NEO1: variants seen among roughly 807,000 people sequenced by gnomAD.
NEO1 encodes neogenin.
NEO1 carries 63 observed loss-of-function variants against 159.7 expected under a neutral mutation model. The observed-to-expected ratio is 0.39, with a 90% CI of 0.32 to 0.49. The LOEUF is 0.49. NEO1 is among the 20% of genes least tolerant of loss of function. The pLI is 0.85. For missense variants in NEO1, 1,615 were observed against 1,831.0 expected (o/e 0.88, Z 2.15); for synonymous variants, 633 against 662.0 (o/e 0.96, Z 0.67).
chr15:73,233,220 A>G (rs1324770035), intron 7 of NEO1, among the ~76,000 whole-genome samples: 1 of 152,166 alleles, frequency 6.6e-6, no homozygotes, highest in Non-Finnish European at 1.5e-5. Flanking sequence ...ACCTGGGGAA[A>G]GCTGATAGAG....
chr15:73,127,797 A>G (rs936200833), intron 4 of NEO1, among the ~76,000 whole-genome samples: 13 of 152,230 alleles, frequency 8.5e-5, no homozygotes, highest in Non-Finnish European at 1.2e-4. Flanking sequence ...AGTGGGAAAC[A>G]TTTTAACACA....
intron 4 of NEO1, among the ~76,000 whole-genome samples, chr15:73,130,697 C>T (rs1055748501): frequency 1.3e-5 from 2 of 152,166 alleles, no homozygotes; most frequent in African/African-American, 4.8e-5. Context: ...TAATGAGGCC[C>T]CTCCCATGTA....
intron 5 of NEO1, among the ~76,000 whole-genome samples, chr15:73,168,263 C>T (rs994093948): frequency 6.6e-6 from 1 of 151,778 alleles, no homozygotes; most frequent in Non-Finnish European, 1.5e-5. Flanking sequence ...AGTCTCGGCT[C>T]ACTGCAACCT....
In NEO1 at chr15:73,122,579, A is replaced by G. The variant is rs142340038; in HGVS notation, c.503A>G (p.Asn168Ser). Residue 168 changes from asparagine to serine, a missense_variant, in exon 3 of 29, where the codon AAT becomes AGT. Asn to Ser is a conservative substitution (Grantham distance 46, BLOSUM62 1). Coordinates refer to ENST00000261908, the MANE Select transcript of NEO1 (RefSeq NM_002499.4). ...PEPSSVYAGNNAILNCEVNAD... is the reference protein window; with the variant it reads ...PEPSSVYAGNSAILNCEVNAD... ...CCTTCCTCAGTTTATGCTGGGAACA[A>G]TGCAATTCTGAATTGTGAAGTTAAT... The G allele has an allele frequency of 2.5e-4, 409 of 1,614,064 alleles. 3 individuals carry two copies. The highest frequency in any genetic ancestry group is 6.1e-4 in the South Asian group (56 of 91,080).
rs764573907 is a variant in NEO1 at position 73,282,998 on chromosome 15, T to C, written c.3297T>C (p.Pro1099=). ...GCCCTCATGGGAGCCCCACCTCTCC[T>C]CTGGACAGTAATATGCTGCTGGTCA... The part of the protein sequence containing the change: ...SNSPHGSPTS[P]LDSNMLLVII... The change falls in exon 23 of 29, where the codon CCT becomes CCC. Residue 1099 remains proline, a synonymous_variant. Coordinates refer to ENST00000261908, the MANE Select transcript of NEO1 (RefSeq NM_002499.4). 5 of 1,614,196 alleles carry C rather than the reference T, an allele frequency of 3.1e-6. 1 individual carries two copies. In the Admixed American group the frequency reaches 8.3e-5, roughly 27 times the overall value.
intron 7 of NEO1, among the ~76,000 whole-genome samples, chr15:73,183,660 C>T (rs1222459711): frequency 6.6e-6 from 1 of 152,082 alleles, no homozygotes; most frequent in African/African-American, 2.4e-5. Context: ...CTAGCTGCCT[C>T]AACCATGAAC....
chr15:73,062,994 A>G (rs1298152061), intron 1 of NEO1, among the ~76,000 whole-genome samples: 1 of 152,350 alleles, frequency 6.6e-6, no homozygotes, highest in East Asian at 1.9e-4. Context: ...TTAGGCATAC[A>G]TCTATATAGA....
intron 25 of NEO1, 120 bp from the exon 26 acceptor site, chr15:73,293,270 A>T (rs928327003): frequency 4.5e-5 from 56 of 1,245,574 alleles, no homozygotes; most frequent in Middle Eastern, 2.0e-4. Flanking sequence ...CCACCAAAAA[A>T]CCAAGGGAGT....
At chr15:73,270,819 C>G (rs952072646) in intron 18 of NEO1, among the ~76,000 whole-genome samples, 2 of 152,200 alleles carry the variant, frequency 1.3e-5, no homozygotes, top group Non-Finnish European at 2.9e-5. Context: ...CCAAAGCTGC[C>G]TCTGCAGTTT....
chr15:73,289,305 A>T lies in NEO1; in HGVS notation c.3742+67A>T, dbSNP rs1030218119. On this transcript the variant is annotated intron_variant, in intron 25 of 28. Transcript: ENST00000261908. The stretch of plus-strand genomic sequence containing the variant: ...TCAGTCATGTAGGGGAACAACTATG[A>T]ATGATCTTTTTGACTTCACTTGATT... The T allele has an allele frequency of 5.0e-5, 67 of 1,344,148 alleles. No individual in the cohort carries two copies. In the Middle Eastern group the frequency reaches 9.0e-4, roughly 18 times the overall value. 83.3% of individuals were successfully genotyped at this position (1,344,148 alleles called of 1,614,324 possible). A position where few individuals can be genotyped will look rare whatever the true frequency, so the allele number is the denominator to read the frequency against.
chr15:73,224,459 G>T (rs967176569), intron 7 of NEO1, among the ~76,000 whole-genome samples: 5 of 152,042 alleles, frequency 3.3e-5, no homozygotes, highest in African/African-American at 1.2e-4. Flanking sequence ...TCTTAGGTTT[G>T]GTTGTTTAAC....
At chr15:73,111,540 G>T (rs944968148) in intron 1 of NEO1, among the ~76,000 whole-genome samples, 9 of 152,060 alleles carry the variant, frequency 5.9e-5, no homozygotes, top group Non-Finnish European at 1.2e-4. Flanking sequence ...TTTTTCTTTA[G>T]CTATTTACAC....
intron 1 of NEO1, among the ~76,000 whole-genome samples, chr15:73,072,772 G>C (rs1225047732): frequency 6.6e-6 from 1 of 152,118 alleles, no homozygotes; most frequent in East Asian, 1.9e-4. Flanking sequence ...TAGTAGCCTA[G>C]GTAGTTTACA....
Position 73,304,478 on chromosome 15 carries a change from A to G in NEO1, c.*1782A>G, listed in dbSNP as rs956956448. The G allele has an allele frequency of 6.6e-6, 1 of 152,180 alleles. No homozygotes were observed. The highest frequency in any genetic ancestry group is 1.5e-5 in the Non-Finnish European group (1 of 68,056). 9.4% of individuals were successfully genotyped at this position (152,180 alleles called of 1,614,324 possible). On this transcript the variant is annotated 3_prime_UTR_variant, in exon 29 of 29. Transcript: ENST00000261908. ...CTGCCTTTGAACTTGGGGATTTGCC[A>G]TGTTTGATCTTGTCACATACTTGCT...
At position 73,274,733 on chromosome 15, in the gene NEO1, G is replaced by A. The variant is rs2041325809; in HGVS notation, c.3193+9G>A. On this transcript the variant is annotated intron_variant, in intron 21 of 28. Coordinates refer to ENST00000261908, the MANE Select transcript of NEO1 (RefSeq NM_002499.4). ...AATGCCTAATGATCAAGGTAAATGAGTAGATGGCCTCTCTTTTCTTTCCTT... is the reference window on the plus strand; with the variant it reads ...AATGCCTAATGATCAAGGTAAATGAATAGATGGCCTCTCTTTTCTTTCCTT... 1 of 1,611,066 alleles carries A rather than the reference G, an allele frequency of 6.2e-7. No individual in the cohort carries two copies. The highest frequency in any genetic ancestry group is 8.5e-7 in the Non-Finnish European group (1 of 1,178,706).
At chr15:73,120,358 C>G (rs2071572740) in intron 2 of NEO1, among the ~76,000 whole-genome samples, 1 of 150,188 alleles carries the variant, frequency 6.7e-6, no homozygotes, top group African/African-American at 2.4e-5. Context: ...ATAATTTTAT[C>G]TTTATTTTTT....
chr15:73,288,905 G>A (rs2042053481), intron 24 of NEO1, among the ~76,000 whole-genome samples: 1 of 152,136 alleles, frequency 6.6e-6, no homozygotes, highest in Non-Finnish European at 1.5e-5. Flanking sequence ...TTGGTCTGGA[G>A]GCTCTTATAG....
intron 23 of NEO1, among the ~76,000 whole-genome samples, chr15:73,286,695 C>T (rs1050525196): frequency 1.3e-5 from 2 of 152,194 alleles, no homozygotes; most frequent in African/African-American, 2.4e-5. Flanking sequence ...CAGGCAAACC[C>T]GCTTCTGCTC....
intron 15 of NEO1, among the ~76,000 whole-genome samples, chr15:73,263,042 A>G (rs1284402975): frequency 6.6e-6 from 1 of 152,176 alleles, no homozygotes; most frequent in East Asian, 1.9e-4. Context: ...ATCAACTACA[A>G]GGGCACCAGG....
Sources: gnomAD v4.1 joint callset for allele counts (sites outside exome capture counted in the v4.1 genomes callset) on GRCh38, gnomAD v4.1.1 for gene constraint, MANE v1.5 for transcripts, NCBI Gene and HGNC (gene_info 2026-07-23, HGNC 2026-07-21) for gene names.